CFAP221: variants seen among roughly 807,000 people sequenced by gnomAD.
CFAP221 encodes the protein cilia- and flagella-associated protein 221.
Under a neutral mutation model 113.1 loss-of-function variants are expected in CFAP221, and 97 were observed. The observed-to-expected ratio is 0.86, with a 90% CI of 0.73 to 1.02. The LOEUF (loss-of-function observed/expected upper bound fraction) is 1.02, where lower values mean the gene tolerates loss of function less well. Ranked by LOEUF, CFAP221 falls within the 50% of genes least tolerant of loss-of-function variation. The pLI is 0.00. For missense variants in CFAP221, 1,025 were observed against 1,013.4 expected (o/e 1.01, Z -0.16); for synonymous variants, 331 against 354.4 (o/e 0.93, Z 0.74).
chr2:119,572,820 T>C (rs1682163965), intron 6 of CFAP221: 2 of 473,110 alleles, frequency 4.2e-6, no homozygotes, highest in African/African-American at 3.8e-5. Context: ...CATGTACTCA[T>C]CTCAAGGCTA....
intron 14 of CFAP221, among the ~76,000 whole-genome samples, chr2:119,616,657 G>A (rs753097761): frequency 3.3e-5 from 5 of 152,096 alleles, no homozygotes; most frequent in Non-Finnish European, 7.4e-5. Flanking sequence ...CTGTCCTCTC[G>A]TTGTCCCAGT....
intron 7 of CFAP221, among the ~76,000 whole-genome samples, chr2:119,593,460 T>C (rs1334141104): frequency 6.6e-6 from 1 of 152,164 alleles, no homozygotes; most frequent in Non-Finnish European, 1.5e-5. Context: ...CTTCCAACTA[T>C]GGTAGAAGGC....
intron 22 of CFAP221, among the ~76,000 whole-genome samples, chr2:119,650,229 G>A (rs546074038): frequency 6.6e-6 from 1 of 152,290 alleles, no homozygotes; most frequent in African/African-American, 2.4e-5. Flanking sequence ...TCAATTAGTG[G>A]AACCCTAAAT....
intron 3 of CFAP221, among the ~76,000 whole-genome samples, chr2:119,559,450 T>G (rs1681060775): frequency 6.6e-6 from 1 of 152,096 alleles, no homozygotes; most frequent in Non-Finnish European, 1.5e-5. Flanking sequence ...GGGAGGGTAC[T>G]GCAGGTATTG....
chr2:119,593,440 C>G (rs1558942361), intron 7 of CFAP221, among the ~76,000 whole-genome samples: 1 of 152,132 alleles, frequency 6.6e-6, no homozygotes, highest in Admixed American at 6.5e-5. Context: ...CCTAGTGAGG[C>G]CTCAGGAAGC....
intron 12 of CFAP221, among the ~76,000 whole-genome samples, chr2:119,611,219 G>T (rs1305590426): frequency 3.3e-5 from 5 of 152,096 alleles, no homozygotes; most frequent in African/African-American, 1.2e-4. Context: ...TAGTCCCATA[G>T]TTACAGTTTC....
intron 23 of CFAP221, 85 bp downstream of exon 23, chr2:119,652,154 G>A: frequency 4.0e-6 from 4 of 1,004,130 alleles, no homozygotes; most frequent in Non-Finnish European, 5.9e-6. Flanking sequence ...CATGTTGTCT[G>A]AGTCTAAATA....
At position 119,630,595 on chromosome 2, in the gene CFAP221, G is replaced by T; in HGVS notation, c.1757G>T (p.Arg586Ile). ...GTTCCTCAACTGTACAAAATTAAGA[G>T]ATATCAGCCATTCTCTGTCCACAAG... ...LQVPQLYKIKRYQPFSVHKSS... is the reference protein window; with the variant it reads ...LQVPQLYKIKIYQPFSVHKSS... The change falls in exon 18 of 24, where the codon AGA becomes ATA. Residue 586 changes from arginine (R) to isoleucine (I), a missense_variant. Physicochemically the swap from Arg to Ile is moderately conservative, Grantham distance 97. Coordinates refer to ENST00000413369, the MANE Select transcript of CFAP221 (RefSeq NM_001271049.2). The T allele has an allele frequency of 6.2e-7, 1 of 1,613,140 alleles. No individual in the cohort carries two copies.
At chr2:119,620,469 C>G (rs914376269) in intron 14 of CFAP221, among the ~76,000 whole-genome samples, 1 of 152,174 alleles carries the variant, frequency 6.6e-6, no homozygotes, top group African/African-American at 2.4e-5. Context: ...TTTCAACCCA[C>G]AATTTCATAT....
intron 6 of CFAP221, among the ~76,000 whole-genome samples, chr2:119,569,616 C>A (rs903051527): frequency 6.6e-6 from 1 of 151,950 alleles, no homozygotes; most frequent in Non-Finnish European, 1.5e-5. Flanking sequence ...CTGGCATTCC[C>A]ATTACATGTA....
At chr2:119,647,836 A>G (rs981795816) in intron 22 of CFAP221, among the ~76,000 whole-genome samples, 3 of 152,218 alleles carry the variant, frequency 2.0e-5, no homozygotes, top group Non-Finnish European at 4.4e-5. Flanking sequence ...TAATTAACCA[A>G]CATAGCATAA....
chr2:119,562,494 A>G (rs1681327560), intron 6 of CFAP221, among the ~76,000 whole-genome samples: 1 of 152,116 alleles, frequency 6.6e-6, no homozygotes, highest in African/African-American at 2.4e-5. Flanking sequence ...CAGTAGCTCC[A>G]GACATTAGCC....
At chr2:119,609,520 C>CTCAT (rs1172511229) in intron 12 of CFAP221, among the ~76,000 whole-genome samples, 1 of 152,148 alleles carries the variant, frequency 6.6e-6, no homozygotes, top group Non-Finnish European at 1.5e-5. Flanking sequence ...CCACCTTCTC[C>CTCAT]TCATATCTTC....
intron 6 of CFAP221, chr2:119,586,595 A>G (rs185045498): frequency 2.0e-5 from 3 of 152,470 alleles, no homozygotes; most frequent in Admixed American, 6.5e-5. Context: ...AACACAGCCC[A>G]AAGTGTGGTT....
At chr2:119,640,313 G>T (rs1194472430) in intron 21 of CFAP221, among the ~76,000 whole-genome samples, 1 of 152,044 alleles carries the variant, frequency 6.6e-6, no homozygotes, top group East Asian at 1.9e-4. Flanking sequence ...TGTGCCACAG[G>T]CTGGCATTCA....
intron 5 of CFAP221, 69 bp from the exon 6 acceptor site, chr2:119,561,945 C>T: frequency 2.1e-6 from 2 of 955,860 alleles, no homozygotes; most frequent in Non-Finnish European, 3.1e-6. Context: ...AGAAATAAAG[C>T]ATCTACAAGT....
intron 21 of CFAP221, among the ~76,000 whole-genome samples, chr2:119,645,190 T>C (rs1687728499): frequency 1.3e-5 from 2 of 151,914 alleles, no homozygotes; most frequent in Non-Finnish European, 2.9e-5. Context: ...TTCTGTGAAG[T>C]ATTATGATTT....
At chr2:119,573,128 G>A (rs1682186383) in intron 6 of CFAP221, 1 of 152,690 alleles carries the variant, frequency 6.5e-6, no homozygotes, top group African/African-American at 2.4e-5. Context: ...TAAGAAGGAA[G>A]ATTGATGGTG....
intron 11 of CFAP221, 114 bp from the exon 12 acceptor site, chr2:119,608,388 C>T (rs1684919218): frequency 1.4e-6 from 1 of 700,416 alleles, no homozygotes; most frequent in East Asian, 2.6e-5. Context: ...CATGTGTCTC[C>T]TCCAGCATCT....
Sources: allele counts gnomAD v4.1 joint callset (sites outside exome capture counted in the v4.1 genomes callset), GRCh38; gene constraint gnomAD v4.1.1; transcripts MANE v1.5; gene names NCBI Gene and HGNC (gene_info 2026-07-23, HGNC 2026-07-21).